Variants in PHF24 observed in about 807,000 individuals in gnomAD.
PHF24 encodes PHD finger protein 24, also known as Galpha inhibitory interacting protein.
A neutral mutation model predicts 42.6 loss-of-function variants in PHF24; 25 were observed. The observed-to-expected ratio is 0.59, with a 90% CI of 0.43 to 0.82. The LOEUF is 0.82. Among genes scored for constraint, PHF24 ranks in the 40% least tolerant of loss-of-function variants. The pLI, the probability that PHF24 is intolerant of heterozygous loss-of-function variation, is 0.00. For synonymous variants in PHF24, 185 were observed against 204.8 expected (o/e 0.90, Z 0.83); for missense variants, 470 against 538.1 (o/e 0.87, Z 1.25).
At chr9:34,782,828 A>T in the PHF24 span, among the ~76,000 whole-genome samples, 1 of 152,144 alleles carries the variant, frequency 6.6e-6, no homozygotes, top group African/African-American at 2.4e-5. Flanking sequence ...ATGGGGTAGG[A>T]TGAGGGATGG....
At chr9:34,850,233 G>A in the PHF24 span, among the ~76,000 whole-genome samples, 9 of 152,164 alleles carry the variant, frequency 5.9e-5, no homozygotes, top group Non-Finnish European at 7.4e-5. Context: ...TCACTTTCAG[G>A]TACACCAATC....
chr9:34,837,688 T>G, the PHF24 span: 1 of 1,521,228 alleles, frequency 6.6e-7, no homozygotes, highest in South Asian at 1.2e-5. Context: ...TTTGCCTGAC[T>G]TTTTGGTGAC....
the PHF24 span, among the ~76,000 whole-genome samples, chr9:34,779,686 AG>A: frequency 6.6e-6 from 1 of 152,338 alleles, no homozygotes; most frequent in Admixed American, 6.5e-5. Context: ...GAGAGAATTG[AG>A]AGCCCACAAC....
At chr9:34,673,443 T>G in the PHF24 span, among the ~76,000 whole-genome samples, 1 of 152,016 alleles carries the variant, frequency 6.6e-6, no homozygotes. Flanking sequence ...GATAATCTTC[T>G]CCTTAATGAG....
At chr9:34,896,697 C>T in the PHF24 span, among the ~76,000 whole-genome samples, 1 of 151,974 alleles carries the variant, frequency 6.6e-6, no homozygotes, top group Non-Finnish European at 1.5e-5. Context: ...AGGATTTTTC[C>T]TCATTTAACC....
the PHF24 span, among the ~76,000 whole-genome samples, chr9:34,755,399 A>C: frequency 6.6e-6 from 1 of 151,888 alleles, no homozygotes; most frequent in African/African-American, 2.4e-5. Flanking sequence ...ATCAGCATTA[A>C]TTTTTTTCTT....
chr9:34,778,404 T>A, the PHF24 span, among the ~76,000 whole-genome samples: 1 of 152,126 alleles, frequency 6.6e-6, no homozygotes, highest in African/African-American at 2.4e-5. Flanking sequence ...AAGGTACAAA[T>A]AGGTTGAAAT....
the PHF24 span, chr9:34,726,881 C>A: frequency 1.3e-6 from 2 of 1,551,806 alleles, no homozygotes; most frequent in South Asian, 2.4e-5. Context: ...GTTGTTCTCA[C>A]CCACCAGCAA....
At chr9:34,685,016 C>T in the PHF24 span, among the ~76,000 whole-genome samples, 1 of 152,142 alleles carries the variant, frequency 6.6e-6, no homozygotes, top group Non-Finnish European at 1.5e-5. Context: ...CCTGCCCTGC[C>T]TGCCCCTGGC....
At chr9:34,847,375 G>T in the PHF24 span, among the ~76,000 whole-genome samples, 1 of 152,178 alleles carries the variant, frequency 6.6e-6, no homozygotes, top group African/African-American at 2.4e-5. Flanking sequence ...GTGAACAGGA[G>T]TTCACTCATG....
the PHF24 span, among the ~76,000 whole-genome samples, chr9:34,705,298 T>C: frequency 1.3e-5 from 2 of 152,242 alleles, no homozygotes; most frequent in Non-Finnish European, 2.9e-5. Context: ...TGGGGGTTTA[T>C]GCCTTTATTT....
the PHF24 span, among the ~76,000 whole-genome samples, chr9:34,942,673 T>C: frequency 6.6e-6 from 1 of 152,270 alleles, no homozygotes; most frequent in African/African-American, 2.4e-5. Context: ...AAAGAATGCC[T>C]TTGTCGATGA....
At chr9:34,713,900 G>A in the PHF24 span, among the ~76,000 whole-genome samples, 2 of 152,088 alleles carry the variant, frequency 1.3e-5, no homozygotes, top group African/African-American at 2.4e-5. Context: ...AGGAAGAGGA[G>A]GAAATGAGTG....
the PHF24 span, among the ~76,000 whole-genome samples, chr9:34,787,172 T>C: frequency 6.6e-6 from 1 of 152,182 alleles, no homozygotes; most frequent in Non-Finnish European, 1.5e-5. Flanking sequence ...CTAATAATGG[T>C]ATGATAGTTA....
upstream of PHF24, among the ~76,000 whole-genome samples, chr9:34,956,882 A>T (rs1826387677): frequency 6.6e-6 from 1 of 152,256 alleles, no homozygotes; most frequent in Admixed American, 6.5e-5. Flanking sequence ...TTAATGGTTT[A>T]TAGCCTCTCC....
At chr9:34,872,765 C>T in the PHF24 span, among the ~76,000 whole-genome samples, 39 of 148,838 alleles carry the variant, frequency 2.6e-4, no homozygotes, top group African/African-American at 9.4e-4. Context: ...AGTTCTAGAT[C>T]CCTGAGGAAT....
the PHF24 span, among the ~76,000 whole-genome samples, chr9:34,911,189 A>T: frequency 6.6e-6 from 1 of 152,036 alleles, no homozygotes; most frequent in Non-Finnish European, 1.5e-5. Context: ...CTTTTTTTAA[A>T]AAAAAACTAT....
the PHF24 span, among the ~76,000 whole-genome samples, chr9:34,807,469 A>C: frequency 5.3e-5 from 8 of 152,368 alleles, no homozygotes; most frequent in African/African-American, 1.7e-4. Flanking sequence ...CGTGGTTGGA[A>C]GGCATGTTGT....
At chr9:34,835,588 C>T in the PHF24 span, 4 of 1,551,674 alleles carry the variant, frequency 2.6e-6, no homozygotes, top group Non-Finnish European at 3.5e-6. Flanking sequence ...GGTTGCTCTG[C>T]TCATCTCCTC....
Sources: gnomAD v4.1 joint callset for allele counts (sites outside exome capture counted in the v4.1 genomes callset) on GRCh38, gnomAD v4.1.1 for gene constraint, MANE v1.5 for transcripts, NCBI Gene and HGNC (gene_info 2026-07-23, HGNC 2026-07-21) for gene names.